The following SLC12A2 variants were observed in gnomAD, a reference collection of about 807,000 sequenced individuals.
The protein encoded by SLC12A2 is solute carrier family 12 member 2.
In SLC12A2, 67 loss-of-function variants were observed where a neutral mutation model predicts 136.3. The ratio of observed to expected loss-of-function variants is 0.49; its 90% CI spans 0.40 to 0.60. The LOEUF (loss-of-function observed/expected upper bound fraction) is 0.60. Among genes scored for constraint, SLC12A2 ranks in the 20% least tolerant of loss-of-function variants. SLC12A2 has a pLI of 0.00. For missense variants in SLC12A2, 1,322 were observed against 1,534.7 expected (o/e 0.86, Z 2.32); for synonymous variants, 619 against 562.9 (o/e 1.10, Z -1.41).
chr5:128,172,297 A>G (rs924776814), intron 19 of SLC12A2, among the ~76,000 whole-genome samples: 4 of 152,192 alleles, frequency 2.6e-5, no homozygotes, highest in African/African-American at 7.2e-5. Flanking sequence ...CCCCAATGAT[A>G]ACATCTTGCC....
intron 7 of SLC12A2, 54 bp from the exon 8 acceptor site, chr5:128,138,543 A>G (rs1762256212): frequency 3.3e-6 from 5 of 1,520,344 alleles, no homozygotes; most frequent in South Asian, 2.5e-5. Context: ...GACCTCAGTT[A>G]TTATAGTCTA....
intron 1 of SLC12A2, among the ~76,000 whole-genome samples, chr5:128,107,299 T>C (rs1760976071): frequency 6.6e-6 from 1 of 152,226 alleles, no homozygotes; most frequent in Admixed American, 6.5e-5. Flanking sequence ...ACACTTCTTA[T>C]TTTTGAATTA....
intron 4 of SLC12A2, among the ~76,000 whole-genome samples, chr5:128,118,185 A>G (rs942006762): frequency 6.6e-6 from 1 of 152,220 alleles, no homozygotes; most frequent in Admixed American, 6.5e-5. Context: ...AAGTAGAACT[A>G]CCATTTGATA....
chr5:128,084,545 G>C lies in SLC12A2; in HGVS notation c.591G>C (p.Gln197His), dbSNP rs1760002441. Residue 197 changes from glutamine to histidine, a missense_variant, in exon 1 of 27, where the codon CAG becomes CAC. By Grantham distance (24) the Gln-to-His change is conservative. Transcript: ENST00000262461. The surrounding 1 kb of genome is among the most constrained non-coding windows in gnomAD (Gnocchi z 5.6). The part of the protein sequence containing the change: ...SGGGGGSGHH[Q>H]HYYYDTHTNT... ...GCGGCGGCGGCAGTGGGCACCACCA[G>C]CACTACTATTATGATACCCACACCA... The C allele has an allele frequency of 2.5e-6, 4 of 1,613,698 alleles. No homozygotes were observed. The highest frequency in any genetic ancestry group is 2.2e-5 in the East Asian group (1 of 44,876).
intron 1 of SLC12A2, among the ~76,000 whole-genome samples, chr5:128,089,721 A>G (rs941766373): frequency 6.6e-6 from 1 of 152,222 alleles, no homozygotes; most frequent in Admixed American, 6.5e-5. Flanking sequence ...AGATTTGTTC[A>G]TGGAATGTAC....
chr5:128,146,534 T>C (rs1186584266), intron 10 of SLC12A2, among the ~76,000 whole-genome samples: 1 of 126,978 alleles, frequency 7.9e-6, no homozygotes, highest in East Asian at 2.2e-4. Flanking sequence ...CCTATGTTGT[T>C]GGTGTTTTTT....
chr5:128,151,189 G>T, intron 13 of SLC12A2, 52 bp from the exon 14 acceptor site: 1 of 1,512,056 alleles, frequency 6.6e-7, no homozygotes. Flanking sequence ...ATGTACCATT[G>T]TGTAAAGCAG....
chr5:128,158,158 A>G lies in SLC12A2; in HGVS notation c.2469A>G (p.Val823=), dbSNP rs746700077. 6.2e-6 allele frequency: 10 copies of G among 1,601,938 alleles called. No individual in the cohort carries two copies. Among genetic ancestry groups the G allele is most frequent in the Admixed American group, 1.7e-5 (1 of 57,744 alleles). The change falls in exon 16 of 27, where the codon GTA becomes GTG. Residue 823 remains valine, a synonymous_variant. Transcript: ENST00000262461. ...TTGGTTTGATGATCTGTGGCCATGT[A>G]CATATGGTAAGTATCAATTTTGTTT... is the stretch of plus-strand genomic sequence containing the variant. ...KNVGLMICGH[V]HMGPRRQAMK... is the part of the protein sequence containing the mutation.
intron 19 of SLC12A2, among the ~76,000 whole-genome samples, chr5:128,173,262 G>A (rs1477377360): frequency 1.3e-5 from 2 of 152,132 alleles, no homozygotes. Context: ...CAGCAATCTG[G>A]AGTAGGTTTG....
chr5:128,145,618 T>G (rs953139305), intron 10 of SLC12A2, among the ~76,000 whole-genome samples: 8 of 152,142 alleles, frequency 5.3e-5, no homozygotes, highest in Non-Finnish European at 1.0e-4. Context: ...TCTGCTACTG[T>G]CTTTAAAACA....
chr5:128,157,967 G>T, intron 15 of SLC12A2, 86 bp from the exon 16 acceptor site: 1 of 1,103,290 alleles, frequency 9.1e-7, no homozygotes, highest in South Asian at 1.5e-5. Context: ...GTTGTATACA[G>T]AAAGCTTCTT....
chr5:128,112,714 C>A lies in SLC12A2; in HGVS notation c.757-100C>A, dbSNP rs1761198339. ...TGATTCTTGGAAATCTGTACTATGC[C>A]CTCTTAAATATGGTTAGATGTATTT... is the stretch of plus-strand genomic sequence containing the variant. On this transcript the variant is annotated intron_variant, in intron 1 of 26. Transcript: ENST00000262461. 3 of 825,616 alleles carry A rather than the reference C, an allele frequency of 3.6e-6. 1 individual carries two copies. The highest frequency in any genetic ancestry group is 4.0e-5 in the South Asian group (2 of 49,862). 51.1% of individuals were successfully genotyped at this position (825,616 alleles called of 1,614,324 possible).
At chr5:128,170,357 G>A (rs972087885) in intron 18 of SLC12A2, 2 of 152,100 alleles carry the variant, frequency 1.3e-5, no homozygotes, top group African/African-American at 4.8e-5. Flanking sequence ...TTTCTCCAGT[G>A]ACTTTGTTAA....
chr5:128,135,709 G>A lies in SLC12A2; in HGVS notation c.1309G>A (p.Val437Ile). 1 of 1,603,982 alleles carries A rather than the reference G, an allele frequency of 6.2e-7. No homozygotes were observed. The highest frequency in any genetic ancestry group is 1.3e-5 in the African/African-American group (1 of 74,796). Residue 437 changes from valine (V) to isoleucine (I), a missense_variant, in exon 7 of 27, where the codon GTT (valine) becomes ATT (isoleucine). Val to Ile is a conservative substitution (Grantham distance 29). Coordinates refer to ENST00000262461, the MANE Select transcript of SLC12A2 (RefSeq NM_001046.3). Reference sequence around the variant, plus strand: ...ATGTTTAAAATTGCAGGCTCAGATTGTTCTTTTGGTGATCCTACTTCTTGC... The same window carrying A: ...ATGTTTAAAATTGCAGGCTCAGATTATTCTTTTGGTGATCCTACTTCTTGC... Reference protein sequence around the residue: ...GMEWEAKAQIVLLVILLLAIG... With the variant: ...GMEWEAKAQIILLVILLLAIG...
At position 128,084,245 on chromosome 5, in the gene SLC12A2, GGCGGCGGCGGCGGCGGCA is replaced by G. The variant is rs759381412; in HGVS notation, c.303_320del (p.Ala102_Ala107del). On this transcript the variant is annotated inframe_deletion, in exon 1 of 27. Transcript: ENST00000262461. This position sits in a 1 kb window ranked among gnomAD's most constrained non-coding sequence, Gnocchi z 5.6. ...ACGCCGGGCGGGCCGCTGCTGCGGC[GGCGGCGGCGGCGGCGGCA>G]GCGGCGGCGGCTGGTGCTGGGGCGG... is the stretch of plus-strand genomic sequence containing the variant. 0.022 allele frequency: 26,469 copies of G among 1,222,366 alleles called. 2,086 individuals carry two copies. The highest frequency in any genetic ancestry group is 0.043 in the South Asian group (1,374 of 31,838). The allele number at this position is 1,222,366 out of a possible 1,614,324, so 75.7% of individuals were successfully genotyped here.
At chr5:128,118,331 C>G (rs1233819092) in intron 4 of SLC12A2, among the ~76,000 whole-genome samples, 1 of 152,160 alleles carries the variant, frequency 6.6e-6, no homozygotes, top group African/African-American at 2.4e-5. Context: ...AAATGCCTAT[C>G]AACCAGTGAG....
At chr5:128,110,574 G>C in intron 1 of SLC12A2, 1 of 1,167,424 alleles carries the variant, frequency 8.6e-7, no homozygotes, top group Non-Finnish European at 1.3e-6. Context: ...TCAAGCATAA[G>C]TATCAAATAA....
rs555592687 is a variant in SLC12A2, at chr5:128,148,686, A to T, written c.1882-68A>T. On this transcript the variant is annotated intron_variant, in intron 11 of 26. Coordinates refer to ENST00000262461, the MANE Select transcript of SLC12A2 (RefSeq NM_001046.3). ...CTTGAATCTCATTCCTGATTAACCTATTAGAACTATCAGCAAATCTGCATG... is the reference window on the plus strand; with the variant it reads ...CTTGAATCTCATTCCTGATTAACCTTTTAGAACTATCAGCAAATCTGCATG... The T allele has an allele frequency of 1.7e-5, 23 of 1,335,052 alleles. No homozygotes were observed. In the African/African-American group the frequency reaches 3.2e-4, roughly 19 times the overall value. 82.7% of individuals were successfully genotyped at this position (1,335,052 alleles called of 1,614,324 possible).
chr5:128,110,493 CT>C, intron 1 of SLC12A2: 1 of 1,425,926 alleles, frequency 7.0e-7, no homozygotes, highest in Non-Finnish European at 9.9e-7. Flanking sequence ...CTTTCACCAA[CT>C]TTTTCTTCTT....
Sources: allele counts gnomAD v4.1 joint callset (sites outside exome capture counted in the v4.1 genomes callset), GRCh38; gene constraint gnomAD v4.1.1; non-coding constraint Gnocchi (gnomAD v3.1); transcripts MANE v1.5; gene names NCBI Gene and HGNC (gene_info 2026-07-23, HGNC 2026-07-21).